The following UBE2H variants were observed in gnomAD, a reference collection of about 807,000 sequenced individuals.
UBE2H encodes the protein ubiquitin-conjugating enzyme E2 H.
UBE2H carries 3 observed loss-of-function variants against 29.0 expected under a neutral mutation model. That is an observed-to-expected ratio of 0.10 (90% CI 0.05 to 0.27). UBE2H has a LOEUF of 0.27. Ranked by LOEUF, UBE2H falls within the 10% of genes least tolerant of loss-of-function variation. UBE2H has a pLI of 1.00. For missense variants in UBE2H, 68 were observed against 228.2 expected, an observed-to-expected ratio of 0.30 and a Z score of 4.52; for synonymous variants, 69 against 82.9, an observed-to-expected ratio of 0.83 and a Z score of 0.91.
intron 1 of UBE2H, among the ~76,000 whole-genome samples, chr7:129,890,120 T>TGTCACCCTGTTTTTTTTTA (rs1806444592): frequency 6.6e-6 from 1 of 151,912 alleles, no homozygotes; most frequent in African/African-American, 2.4e-5. Flanking sequence ...GTGACAAACA[T>TGTCACCCTGTTTTTTTTTA]AGACCCTGTA....
Position 129,857,622 on chromosome 7 carries a change from C to G in UBE2H, c.246-59G>C, listed in dbSNP as rs931160206. 4 of 1,551,830 alleles carry G rather than the reference C, an allele frequency of 2.6e-6. No homozygotes were observed. The African/African-American group carries it at 5.5e-5, about 21-fold the overall frequency. On this transcript the variant is annotated intron_variant, in intron 4 of 6. Transcript: ENST00000355621. Reference sequence around the variant, plus strand: ...AAATTAGAAAGTTAGTTGCATGTATCTGGCAACTAATTTTTACTTATCAAG... The same window carrying G: ...AAATTAGAAAGTTAGTTGCATGTATGTGGCAACTAATTTTTACTTATCAAG...
At chr7:129,940,605 G>A (rs1001058657) in intron 1 of UBE2H, among the ~76,000 whole-genome samples, 1 of 152,160 alleles carries the variant, frequency 6.6e-6, no homozygotes, top group African/African-American at 2.4e-5. Context: ...TAACGTCCTA[G>A]ATACCTACAA....
In UBE2H at chr7:129,934,545, G is replaced by T. The variant is rs529988436; in HGVS notation, c.53+17958C>A. 5.3e-5 allele frequency among the ~76,000 whole-genome samples: 8 copies of T among 150,006 alleles called. No individual in the cohort carries two copies. In the Admixed American group the frequency reaches 5.4e-4, roughly 10 times the overall value. On this transcript the variant is annotated intron_variant, in intron 1 of 6. Coordinates refer to ENST00000355621, the MANE Select transcript of UBE2H (RefSeq NM_003344.4). ...CCCAGCTACTCAGGAGACTGAGGCA[G>T]GAGAATCGCTTGAACCTGGGAGGTA...
rs576937067 is a variant in UBE2H, at chr7:129,842,779, T to C, written c.299-3444A>G. ...TTAGCTGGGTGTGGTGGCAGGTGCC[T>C]GTAATCCCAGCTACTTGGGAGGCTG... On this transcript the variant is annotated intron_variant, in intron 5 of 6. Coordinates refer to ENST00000355621, the MANE Select transcript of UBE2H (RefSeq NM_003344.4). Among the ~76,000 whole-genome samples, 39 of 151,990 alleles carry C rather than the reference T, an allele frequency of 2.6e-4. No individual in the cohort carries two copies. In the South Asian group the frequency reaches 4.0e-3, roughly 15 times the overall value.
At chr7:129,883,864 GAAAAA>G (rs932017138) in intron 1 of UBE2H, among the ~76,000 whole-genome samples, 2 of 151,902 alleles carry the variant, frequency 1.3e-5, no homozygotes, top group African/African-American at 4.8e-5. Flanking sequence ...CTTAAAAAAA[GAAAAA>G]AGAATGAATT....
At chr7:129,911,131 A>G (rs1052602814) in intron 1 of UBE2H, among the ~76,000 whole-genome samples, 3 of 152,080 alleles carry the variant, frequency 2.0e-5, no homozygotes, top group Non-Finnish European at 4.4e-5. Context: ...TTGGGAGGCC[A>G]AGGCGCGCAG....
chr7:129,847,028 A>ATTT lies in UBE2H; in HGVS notation c.299-7694_299-7693insAAA, dbSNP rs535287651. 2.7e-5 allele frequency among the ~76,000 whole-genome samples: 4 copies of ATTT among 150,498 alleles called. 1 individual carries two copies. Among genetic ancestry groups the ATTT allele is most frequent in the Non-Finnish European group, 5.9e-5 (4 of 67,576 alleles). ...TATAATTATTATTATTATTATTATT[A>ATTT]TTATTTTTTGAGACGGAGTCTCGCT... is the stretch of plus-strand genomic sequence containing the variant. On this transcript the variant is annotated intron_variant, in intron 5 of 6. Transcript: ENST00000355621.
At chr7:129,860,055 G>A (rs1805772309) in intron 3 of UBE2H, among the ~76,000 whole-genome samples, 1 of 152,230 alleles carries the variant, frequency 6.6e-6, no homozygotes, top group Non-Finnish European at 1.5e-5. Context: ...TATTGATACA[G>A]TAGGCGGAGT....
intron 3 of UBE2H, among the ~76,000 whole-genome samples, chr7:129,872,082 TG>T (rs1806050422): frequency 6.6e-6 from 1 of 152,206 alleles, no homozygotes; most frequent in Non-Finnish European, 1.5e-5. Context: ...CTCGAACTCC[TG>T]GCCTCAAGTG....
chr7:129,875,340 G>T (rs924710221), intron 3 of UBE2H, among the ~76,000 whole-genome samples: 2 of 152,120 alleles, frequency 1.3e-5, no homozygotes, highest in Non-Finnish European at 2.9e-5. Context: ...TGACTAATGG[G>T]TAAAACATTT....
At chr7:129,935,487 G>A (rs1807509471) in intron 1 of UBE2H, among the ~76,000 whole-genome samples, 1 of 150,392 alleles carries the variant, frequency 6.6e-6, no homozygotes, top group African/African-American at 2.4e-5. Context: ...AATGAAAACA[G>A]CATGCTGCCA....
intron 1 of UBE2H, among the ~76,000 whole-genome samples, chr7:129,904,877 C>T (rs1806784575): frequency 6.6e-6 from 1 of 152,216 alleles, no homozygotes; most frequent in African/African-American, 2.4e-5. Context: ...ACTGAAGGTG[C>T]TCCTGTCCTA....
At chr7:129,949,097 G>A in intron 1 of UBE2H, 1 of 451,824 alleles carries the variant, frequency 2.2e-6, no homozygotes, top group Non-Finnish European at 4.5e-6. Context: ...CCTTCAGCAG[G>A]GGCCACTGGT....
At chr7:129,931,671 A>C (rs185088916) in intron 1 of UBE2H, among the ~76,000 whole-genome samples, 5 of 152,238 alleles carry the variant, frequency 3.3e-5, no homozygotes, top group Admixed American at 2.6e-4. Context: ...TGTAATTGGA[A>C]AAGAGTACTT....
At chr7:129,859,750 T>C (rs1179444295) in intron 3 of UBE2H, among the ~76,000 whole-genome samples, 1 of 152,200 alleles carries the variant, frequency 6.6e-6, no homozygotes, top group Non-Finnish European at 1.5e-5. Context: ...AGGTGTCATT[T>C]TGTCATCCTT....
chr7:129,838,980 C>T (rs573297775), intron 6 of UBE2H, among the ~76,000 whole-genome samples: 3 of 152,242 alleles, frequency 2.0e-5, no homozygotes, highest in East Asian at 1.9e-4. Context: ...CCCATCAGCA[C>T]GTAAACTGTT....
chr7:129,885,424 G>A (rs1046356583), intron 1 of UBE2H, among the ~76,000 whole-genome samples: 1 of 152,178 alleles, frequency 6.6e-6, no homozygotes, highest in Non-Finnish European at 1.5e-5. Flanking sequence ...TGTCCTTGTG[G>A]ATGTTGCTTC....
intron 1 of UBE2H, among the ~76,000 whole-genome samples, chr7:129,943,578 C>T (rs937144949): frequency 3.3e-5 from 5 of 151,940 alleles, no homozygotes; most frequent in South Asian, 4.2e-4. Flanking sequence ...AGCCAGACTC[C>T]GTCTAAAAAC....
At chr7:129,850,543 C>T (rs1326152767) in intron 5 of UBE2H, among the ~76,000 whole-genome samples, 6 of 151,932 alleles carry the variant, frequency 3.9e-5, no homozygotes, top group African/African-American at 9.7e-5. Flanking sequence ...GCTGGCCTGG[C>T]GTGGTGGCAC....
Sources: allele counts gnomAD v4.1 joint callset (sites outside exome capture counted in the v4.1 genomes callset), GRCh38; gene constraint gnomAD v4.1.1; transcripts MANE v1.5; gene names NCBI Gene and HGNC (gene_info 2026-07-23, HGNC 2026-07-21).